Variants in DOCK4 observed in about 807,000 individuals in gnomAD.
DOCK4 encodes the protein dedicator of cytokinesis protein 4.
A neutral mutation model predicts 268.1 loss-of-function variants in DOCK4; 97 were observed. That is an observed-to-expected ratio of 0.36 (90% CI 0.31 to 0.43). The LOEUF (loss-of-function observed/expected upper bound fraction) is 0.43. DOCK4 is among the 20% of genes least tolerant of loss of function. The probability of loss-of-function intolerance (pLI) is 1.00; values close to 1 mark genes in which losing one functional copy is unlikely to be tolerated. For missense variants in DOCK4, 2,145 were observed against 2,455.7 expected (o/e 0.87, Z 2.67); for synonymous variants, 954 against 887.2 (o/e 1.08, Z -1.34).
At chr7:111,961,979 T>C (rs1032736038) in intron 8 of DOCK4, among the ~76,000 whole-genome samples, 114 of 152,370 alleles carry the variant, frequency 7.5e-4, no homozygotes, top group Middle Eastern at 3.4e-3. Flanking sequence ...TACTATATGC[T>C]AGAAGTTCAA....
chr7:112,130,716 A>G (rs1442352757), intron 1 of DOCK4, among the ~76,000 whole-genome samples: 2 of 152,236 alleles, frequency 1.3e-5, no homozygotes, highest in Non-Finnish European at 2.9e-5. Flanking sequence ...TCATGTTTTA[A>G]GTTAGTAAAT....
At chr7:112,153,353 T>A (rs1354267467) in intron 1 of DOCK4, among the ~76,000 whole-genome samples, 1 of 152,172 alleles carries the variant, frequency 6.6e-6, no homozygotes, top group Non-Finnish European at 1.5e-5. Flanking sequence ...TTTTTAATAG[T>A]CAGCACAACT....
chr7:111,963,381 A>G (rs1012181224), intron 8 of DOCK4, among the ~76,000 whole-genome samples: 1 of 128,304 alleles, frequency 7.8e-6, no homozygotes, highest in African/African-American at 3.6e-5. Context: ...AGGGCGAGGC[A>G]TTGCCTCACC....
chr7:111,830,674 T>C (rs1388336989), intron 26 of DOCK4, among the ~76,000 whole-genome samples: 1 of 152,178 alleles, frequency 6.6e-6, no homozygotes, highest in East Asian at 1.9e-4. Context: ...GCTGTAATCA[T>C]GAATATATTT....
chr7:112,056,010 A>G (rs1477977542), intron 1 of DOCK4, among the ~76,000 whole-genome samples: 1 of 152,178 alleles, frequency 6.6e-6, no homozygotes, highest in Non-Finnish European at 1.5e-5. Flanking sequence ...AAGGAGAAGC[A>G]CAATGATACC....
chr7:112,123,898 T>C (rs1812975967), intron 1 of DOCK4, among the ~76,000 whole-genome samples: 1 of 152,148 alleles, frequency 6.6e-6, no homozygotes, highest in African/African-American at 2.4e-5. Flanking sequence ...TAACTAGAAG[T>C]AACAGAAGGA....
Position 111,868,165 on chromosome 7 carries a change from C to T in DOCK4, c.2110-11G>A. ...AATGTATTCTTGTGCCTTAAAAATA[C>T]AATTTTTAAAAGTTAGCTTCAAAGG... On this transcript the variant is annotated splice_polypyrimidine_tract_variant and intron_variant, in intron 21 of 52. Transcript: ENST00000428084. 2 of 1,559,812 alleles carry T rather than the reference C, an allele frequency of 1.3e-6. No individual in the cohort carries two copies. Among genetic ancestry groups the T allele is most frequent in the South Asian group, 1.2e-5 (1 of 83,680 alleles).
At chr7:112,047,117 C>T (rs1804893920) in intron 1 of DOCK4, among the ~76,000 whole-genome samples, 1 of 152,132 alleles carries the variant, frequency 6.6e-6, no homozygotes, top group African/African-American at 2.4e-5. Flanking sequence ...AGAAAACCTC[C>T]TAATTCGTGG....
intron 16 of DOCK4, among the ~76,000 whole-genome samples, chr7:111,889,396 T>C (rs1010367410): frequency 6.6e-6 from 1 of 152,036 alleles, no homozygotes; most frequent in African/African-American, 2.4e-5. Context: ...CTGGGGAGCA[T>C]ATGGGGTTCA....
chr7:111,863,057 T>G (rs976770609), intron 23 of DOCK4: 1 of 281,376 alleles, frequency 3.6e-6, no homozygotes, highest in African/African-American at 2.3e-5. Flanking sequence ...CATAAATTGA[T>G]GAAAAACTTT....
At chr7:111,914,955 C>A (rs1792461981) in intron 13 of DOCK4, among the ~76,000 whole-genome samples, 2 of 152,164 alleles carry the variant, frequency 1.3e-5, no homozygotes, top group Admixed American at 1.3e-4. Context: ...TGGCTCCTGG[C>A]ACAAAGTTTT....
intron 1 of DOCK4, among the ~76,000 whole-genome samples, chr7:112,091,422 C>T (rs1044749095): frequency 1.3e-5 from 2 of 152,112 alleles, no homozygotes; most frequent in Non-Finnish European, 2.9e-5. Flanking sequence ...GTTGCCCTAC[C>T]TGCACACCTA....
At chr7:112,067,687 G>A (rs11973245) in intron 1 of DOCK4, among the ~76,000 whole-genome samples, 23,969 of 152,020 alleles carry the variant, frequency 0.16, 3,137 homozygotes, top group East Asian at 0.38. Context: ...TAGAACTTAC[G>A]GCTTTGACTT....
intron 1 of DOCK4, among the ~76,000 whole-genome samples, chr7:112,197,891 G>T (rs1168543089): frequency 6.8e-6 from 1 of 147,448 alleles, no homozygotes; most frequent in Admixed American, 6.9e-5. Context: ...TGTTTTGCAG[G>T]TATCTCAAAA....
intron 24 of DOCK4, 105 bp downstream of exon 24, chr7:111,846,894 G>T: frequency 1.5e-6 from 2 of 1,302,442 alleles, no homozygotes; most frequent in Non-Finnish European, 2.0e-6. Flanking sequence ...ATAAAAGTGG[G>T]TCTCAGAGGC....
chr7:112,113,953 A>G (rs1345370533), intron 1 of DOCK4, among the ~76,000 whole-genome samples: 5 of 151,924 alleles, frequency 3.3e-5, no homozygotes, highest in East Asian at 1.9e-4. Flanking sequence ...AATTTTGGCA[A>G]AGCCATCATT....
chr7:112,059,599 A>T (rs1806199599), intron 1 of DOCK4, among the ~76,000 whole-genome samples: 1 of 152,238 alleles, frequency 6.6e-6, no homozygotes, highest in South Asian at 2.1e-4. Context: ...AACTCATGAC[A>T]TGATAAAATC....
intron 47 of DOCK4, 105 bp from the exon 48 acceptor site, chr7:111,739,582 A>C (rs1396761948): frequency 1.1e-6 from 1 of 907,674 alleles, no homozygotes; most frequent in Non-Finnish European, 1.7e-6. Context: ...TAGCAACAAA[A>C]AGTCCGTTTA....
At chr7:111,763,772 A>AG (rs1487979973) in intron 39 of DOCK4, among the ~76,000 whole-genome samples, 1 of 152,118 alleles carries the variant, frequency 6.6e-6, no homozygotes, top group Non-Finnish European at 1.5e-5. Flanking sequence ...GGCCATCTGC[A>AG]GTCCTTAGGG....
Sources: gnomAD v4.1 joint callset for allele counts (sites outside exome capture counted in the v4.1 genomes callset) on GRCh38, gnomAD v4.1.1 for gene constraint, MANE v1.5 for transcripts, NCBI Gene and HGNC (gene_info 2026-07-23, HGNC 2026-07-21) for gene names.